C2orf49: variants seen among roughly 807,000 people sequenced by gnomAD.
C2orf49 encodes tRNA splicing ligase complex subunit 2, also known as tRNA-splicing ligase complex subunit ASW.
C2orf49 carries 11 observed loss-of-function variants against 20.6 expected under a neutral mutation model. That is an observed-to-expected ratio of 0.53 (90% CI 0.34 to 0.88). C2orf49 has a LOEUF of 0.88. Ranked by LOEUF, C2orf49 falls within the 40% of genes least tolerant of loss-of-function variation. C2orf49 has a pLI of 0.02. For synonymous variants in C2orf49, 134 were observed against 108.5 expected, an observed-to-expected ratio of 1.24 and a Z score of -1.46; for missense variants, 289 against 274.2, an observed-to-expected ratio of 1.05 and a Z score of -0.38.
the C2orf49 span, chr2:105,361,102 C>A: frequency 1.1e-5 from 6 of 543,734 alleles, no homozygotes; most frequent in Admixed American, 1.9e-4. Flanking sequence ...TTTTCTCTTT[C>A]CCTGGGACTG....
the C2orf49 span, among the ~76,000 whole-genome samples, chr2:105,364,754 A>G: frequency 6.6e-6 from 1 of 152,208 alleles, no homozygotes; most frequent in Non-Finnish European, 1.5e-5. Context: ...TGGTCTTTAC[A>G]TAAAGCTTGT....
At chr2:105,372,615 C>A in the C2orf49 span, among the ~76,000 whole-genome samples, 1 of 151,950 alleles carries the variant, frequency 6.6e-6, no homozygotes, top group Non-Finnish European at 1.5e-5. Flanking sequence ...ATGATGAAAC[C>A]CCATCTCTAC....
the C2orf49 span, among the ~76,000 whole-genome samples, chr2:105,362,346 A>T: frequency 6.6e-6 from 1 of 152,216 alleles, no homozygotes; most frequent in Non-Finnish European, 1.5e-5. Context: ...TGCATTACAC[A>T]TGAGAGTACT....
At chr2:105,370,290 A>G in the C2orf49 span, among the ~76,000 whole-genome samples, 2 of 151,956 alleles carry the variant, frequency 1.3e-5, no homozygotes, top group Non-Finnish European at 2.9e-5. Flanking sequence ...TGGGAGGATC[A>G]TTTGAGCCCG....
the C2orf49 span, chr2:105,363,228 C>A: frequency 6.4e-7 from 1 of 1,565,776 alleles, no homozygotes; most frequent in Non-Finnish European, 8.8e-7. Flanking sequence ...GGCTAAAATG[C>A]TAGGCCTTGT....
At chr2:105,375,391 T>A in the C2orf49 span, 2 of 152,250 alleles carry the variant, frequency 1.3e-5, no homozygotes, top group South Asian at 2.1e-4. Context: ...AATAGGATTA[T>A]TGCTGACGCA....
chr2:105,384,374 A>G, the C2orf49 span, among the ~76,000 whole-genome samples: 2 of 152,224 alleles, frequency 1.3e-5, no homozygotes, highest in African/African-American at 4.8e-5. Context: ...GAAAAGAATA[A>G]GGAAGTAGTC....
At chr2:105,339,836 G>T in intron 2 of C2orf49, 87 bp downstream of exon 2, 1 of 1,233,934 alleles carries the variant, frequency 8.1e-7, no homozygotes. Context: ...ATAAACTTAA[G>T]TAAAAAATTT....
chr2:105,357,942 C>T, the C2orf49 span: 1 of 152,176 alleles, frequency 6.6e-6, no homozygotes, highest in Admixed American at 6.5e-5. Context: ...TCTGTGTATG[C>T]CTTAGAGAAT....
intron 3 of C2orf49, among the ~76,000 whole-genome samples, chr2:105,344,164 G>A (rs986306550): frequency 1.3e-5 from 2 of 152,060 alleles, no homozygotes; most frequent in Admixed American, 1.3e-4. Flanking sequence ...ATTTAAATAA[G>A]TTTGTCCAGA....
chr2:105,345,365 G>C lies in C2orf49; in HGVS notation c.693G>C (p.Trp231Cys). The C allele has an allele frequency of 6.2e-7, 1 of 1,612,318 alleles. No individual in the cohort carries two copies. The highest frequency in any genetic ancestry group is 8.5e-7 in the Non-Finnish European group (1 of 1,179,392). ...AAAGGAAGATACAACATGTTACTTG[G>C]CCCTGAAGAAAAGTTTCCAAAAATG... is the stretch of plus-strand genomic sequence containing the variant. Reference protein sequence around the residue: ...QAKRKIQHVTWP With the variant: ...QAKRKIQHVTCP Residue 231 changes from tryptophan to cysteine, a missense_variant, in exon 4 of 4, where the codon TGG becomes TGC. By Grantham distance (215) the Trp-to-Cys change is radical. Coordinates refer to ENST00000258457, the MANE Select transcript of C2orf49 (RefSeq NM_024093.3).
chr2:105,365,127 G>A, the C2orf49 span, among the ~76,000 whole-genome samples: 1 of 152,138 alleles, frequency 6.6e-6, no homozygotes, highest in Non-Finnish European at 1.5e-5. Context: ...AGCATAGCAT[G>A]ACTTTCTCAG....
chr2:105,340,196 C>T (rs1472260296), intron 2 of C2orf49, among the ~76,000 whole-genome samples: 1 of 152,190 alleles, frequency 6.6e-6, no homozygotes, highest in East Asian at 1.9e-4. Flanking sequence ...ACGAGTTGTA[C>T]TGGGGGCAAA....
chr2:105,342,786 C>T (rs1354413126), intron 2 of C2orf49, 62 bp from the exon 3 acceptor site: 51 of 1,502,652 alleles, frequency 3.4e-5, no homozygotes, highest in Non-Finnish European at 4.5e-5. Flanking sequence ...TAACTTGAAT[C>T]CCAGTGAACT....
the C2orf49 span, among the ~76,000 whole-genome samples, chr2:105,361,677 C>T: frequency 6.6e-6 from 1 of 152,122 alleles, no homozygotes; most frequent in Non-Finnish European, 1.5e-5. Context: ...TAAGTGCGAT[C>T]AAAGAATGCT....
the C2orf49 span, chr2:105,376,503 A>G: frequency 2.0e-5 from 3 of 152,244 alleles, no homozygotes; most frequent in Non-Finnish European, 2.9e-5. Context: ...CCAAAACAGT[A>G]ATCTGCCTAA....
the C2orf49 span, among the ~76,000 whole-genome samples, chr2:105,371,576 C>CTCTCT: frequency 4.0e-5 from 6 of 150,770 alleles, no homozygotes; most frequent in African/African-American, 7.3e-5. Flanking sequence ...CTCTCTCTCT[C>CTCTCT]CTTATGTATG....
chr2:105,338,983 A>C (rs569881040), intron 1 of C2orf49, among the ~76,000 whole-genome samples: 1 of 152,364 alleles, frequency 6.6e-6, no homozygotes, highest in South Asian at 2.1e-4. Context: ...AATGACTGGA[A>C]GCTTACTTGA....
chr2:105,349,424 C>T (rs908675948), downstream of C2orf49, among the ~76,000 whole-genome samples: 3 of 152,138 alleles, frequency 2.0e-5, no homozygotes, highest in African/African-American at 7.2e-5. Flanking sequence ...ATAGATTCTT[C>T]ATTTTTTTTG....
Sources: allele counts gnomAD v4.1 joint callset (sites outside exome capture counted in the v4.1 genomes callset), GRCh38; gene constraint gnomAD v4.1.1; transcripts MANE v1.5; gene names NCBI Gene and HGNC (gene_info 2026-07-23, HGNC 2026-07-21).